BMPR1B: variants seen among roughly 807,000 people sequenced by gnomAD.
BMPR1B encodes bone morphogenetic protein receptor type-1B.
BMPR1B carries 12 observed loss-of-function variants against 59.1 expected under a neutral mutation model. The ratio of observed to expected loss-of-function variants is 0.20; its 90% CI spans 0.13 to 0.33. BMPR1B has a LOEUF of 0.33. BMPR1B is among the 10% of genes least tolerant of loss of function. The pLI is 1.00. For missense variants in BMPR1B, 550 were observed against 610.9 expected (o/e 0.90, Z 1.05); for synonymous variants, 237 against 207.3 (o/e 1.14, Z -1.23).
chr4:94,951,534 G>A (rs192123842), intron 2 of BMPR1B, among the ~76,000 whole-genome samples: 7 of 152,088 alleles, frequency 4.6e-5, no homozygotes, highest in Non-Finnish European at 7.4e-5. Context: ...AGGTAATTAC[G>A]TGCTTTTTGT....
At chr4:94,896,675 A>G (rs866043097) in intron 2 of BMPR1B, among the ~76,000 whole-genome samples, 2 of 152,176 alleles carry the variant, frequency 1.3e-5, no homozygotes, top group Middle Eastern at 3.4e-3. Flanking sequence ...GCATGTTTTT[A>G]GGTAGACTTT....
intron 1 of BMPR1B, among the ~76,000 whole-genome samples, chr4:94,810,215 T>G (rs1456617467): frequency 3.3e-5 from 5 of 152,178 alleles, no homozygotes; most frequent in African/African-American, 1.2e-4. Context: ...ATCGAAGTAT[T>G]TTTACTGTTT....
intron 2 of BMPR1B, among the ~76,000 whole-genome samples, chr4:94,877,959 CGTGTGTGT>C (rs142678226): frequency 1.1e-4 from 17 of 151,608 alleles, no homozygotes; most frequent in African/African-American, 3.4e-4. Flanking sequence ...CACATGTGTG[CGTGTGTGT>C]GTGTATATGC....
chr4:94,904,557 T>C (rs936917208), intron 2 of BMPR1B, among the ~76,000 whole-genome samples: 6 of 152,068 alleles, frequency 3.9e-5, no homozygotes, highest in African/African-American at 1.4e-4. Context: ...TCAGGTGATT[T>C]GTGAATTACC....
chr4:95,056,021 T>A (rs1434183773), intron 3 of BMPR1B, among the ~76,000 whole-genome samples: 4 of 152,178 alleles, frequency 2.6e-5, no homozygotes, highest in African/African-American at 9.7e-5. Context: ...TTCCCCCAAC[T>A]TTTCAAATGC....
intron 3 of BMPR1B, among the ~76,000 whole-genome samples, chr4:95,092,037 A>G (rs1252255302): frequency 6.6e-6 from 1 of 152,062 alleles, no homozygotes; most frequent in Non-Finnish European, 1.5e-5. Flanking sequence ...GAATTCTTTT[A>G]CTATTAATGT....
intron 11 of BMPR1B, among the ~76,000 whole-genome samples, chr4:95,150,446 T>C (rs1284910887): frequency 9.5e-6 from 1 of 105,274 alleles, no homozygotes; most frequent in Non-Finnish European, 1.9e-5. Flanking sequence ...CCAGTCTGTA[T>C]TTAAAAAGAA....
chr4:94,764,230 G>A (rs528094784), intron 1 of BMPR1B, among the ~76,000 whole-genome samples: 3 of 152,186 alleles, frequency 2.0e-5, no homozygotes, highest in African/African-American at 7.2e-5. Context: ...GAACAACTTT[G>A]ACTTCCAAAA....
chr4:95,027,996 A>G (rs1199559324), intron 3 of BMPR1B, among the ~76,000 whole-genome samples: 2 of 152,160 alleles, frequency 1.3e-5, no homozygotes, highest in African/African-American at 4.8e-5. Flanking sequence ...CAGAGGCAAT[A>G]GAAAGGCAGG....
At chr4:94,829,440 AT>A (rs1398559433) in intron 1 of BMPR1B, among the ~76,000 whole-genome samples, 1 of 150,334 alleles carries the variant, frequency 6.7e-6, no homozygotes, top group Non-Finnish European at 1.5e-5. Flanking sequence ...TGCCTGGATG[AT>A]TTTTGTAGAA....
chr4:95,144,490 T>TAAAAAA (rs1210564583), intron 10 of BMPR1B, among the ~76,000 whole-genome samples: 1 of 148,978 alleles, frequency 6.7e-6, no homozygotes, highest in African/African-American at 2.6e-5. Flanking sequence ...TTTTTTTTTT[T>TAAAAAA]AAAAAAAATA....
intron 2 of BMPR1B, among the ~76,000 whole-genome samples, chr4:94,970,236 TTTTTCTTCTCTTCTC>T (rs1560572982): frequency 7.1e-6 from 1 of 140,570 alleles, no homozygotes; most frequent in Non-Finnish European, 1.5e-5. Context: ...CAGCTGTTTG[TTTTTCTTCTCTTCTC>T]TTCTCTTCTC....
At chr4:94,867,390 A>G (rs1726290944) in intron 1 of BMPR1B, among the ~76,000 whole-genome samples, 3 of 152,240 alleles carry the variant, frequency 2.0e-5, no homozygotes, top group African/African-American at 7.2e-5. Context: ...GATAAGAGGC[A>G]TCTTTCTGAG....
chr4:94,941,458 G>T (rs1729510772), intron 2 of BMPR1B, among the ~76,000 whole-genome samples: 2 of 151,066 alleles, frequency 1.3e-5, no homozygotes, highest in South Asian at 2.1e-4. Context: ...AAAAAGTATT[G>T]GTTACTTTCT....
chr4:95,023,380 TTTTA>T (rs1248409702), intron 3 of BMPR1B, among the ~76,000 whole-genome samples: 3 of 152,164 alleles, frequency 2.0e-5, no homozygotes, highest in Non-Finnish European at 2.9e-5. Context: ...TTTCTTTTAT[TTTTA>T]TTTGTTTACA....
At chr4:94,852,067 G>A (rs1426646731) in intron 1 of BMPR1B, among the ~76,000 whole-genome samples, 1 of 152,086 alleles carries the variant, frequency 6.6e-6, no homozygotes, top group Non-Finnish European at 1.5e-5. Flanking sequence ...TGTGCTAAAG[G>A]CAAACACATT....
rs7667667 is a variant in BMPR1B, at chr4:94,837,667, G to T, written c.-182-38164G>T. The stretch of plus-strand genomic sequence containing the variant: ...CTTAAGGAGATTTTGGGCTGAGACA[G>T]TGGGGTTTTCTAGATATACAATCAT... On this transcript the variant is annotated intron_variant, in intron 1 of 12. Coordinates refer to ENST00000515059, the MANE Select transcript of BMPR1B (RefSeq NM_001203.3). 4.1e-4 allele frequency among the ~76,000 whole-genome samples: 50 copies of T among 122,478 alleles called. 5 individuals carry two copies. The highest frequency in any genetic ancestry group is 1.5e-3 in the Admixed American group (20 of 12,918). 80.4% of individuals were successfully genotyped at this position (122,478 alleles called of 152,430 possible). A position where few individuals can be genotyped will look rare whatever the true frequency, so the allele number is the denominator to read the frequency against.
intron 1 of BMPR1B, among the ~76,000 whole-genome samples, chr4:94,795,427 A>C (rs970887450): frequency 7.2e-6 from 1 of 139,738 alleles, no homozygotes; most frequent in Admixed American, 6.8e-5. Context: ...AAAACTTCTT[A>C]TTGAAACATT....
intron 1 of BMPR1B, among the ~76,000 whole-genome samples, chr4:94,847,382 CT>C: frequency 6.6e-6 from 1 of 152,210 alleles, no homozygotes; most frequent in African/African-American, 2.4e-5. Flanking sequence ...GTGAAGATTC[CT>C]GACAAAAGTA....
Sources: allele counts gnomAD v4.1 joint callset (sites outside exome capture counted in the v4.1 genomes callset), GRCh38; gene constraint gnomAD v4.1.1; transcripts MANE v1.5; gene names NCBI Gene and HGNC (gene_info 2026-07-23, HGNC 2026-07-21).